The following MGA variants were observed in gnomAD, a reference collection of about 807,000 sequenced individuals.
The protein encoded by MGA is MAX gene-associated protein.
In MGA, 40 loss-of-function variants were observed where a neutral mutation model predicts 261.1. That is an observed-to-expected ratio of 0.15 (90% CI 0.12 to 0.20). The LOEUF (loss-of-function observed/expected upper bound fraction) is 0.20. MGA is among the 10% of genes least tolerant of loss of function. MGA has a pLI of 1.00. For missense variants in MGA, 3,397 were observed against 3,630.5 expected, an observed-to-expected ratio of 0.94 and a Z score of 1.65; for synonymous variants, 1,302 against 1,290.6, an observed-to-expected ratio of 1.01 and a Z score of -0.19.
chr15:41,745,044 G>A (rs2062362880), intron 15 of MGA, among the ~76,000 whole-genome samples: 3 of 151,932 alleles, frequency 2.0e-5, no homozygotes, highest in African/African-American at 7.3e-5. Context: ...ACGCAGTGGT[G>A]TATATTATAT....
rs149195330 is a variant in MGA at position 41,678,663 on chromosome 15, A to T, written c.1064+8705A>T. Among the ~76,000 whole-genome samples, 745 of 151,322 alleles carry T rather than the reference A, an allele frequency of 4.9e-3. 6 individuals are homozygous for T. Among genetic ancestry groups the T allele is most frequent in the African/African-American group, 0.018 (723 of 41,294 alleles). On this transcript the variant is annotated intron_variant, in intron 2 of 23. Transcript: ENST00000219905. ...ACACCTGTAGTCCCAGCTACTCAGG[A>T]GGCTGAGGCAGGAGAATCGCTTGAA...
intron 5 of MGA, among the ~76,000 whole-genome samples, chr15:41,703,010 A>G (rs2059926733): frequency 6.6e-6 from 1 of 152,190 alleles, no homozygotes; most frequent in African/African-American, 2.4e-5. Context: ...TAAGATTGGT[A>G]CATTTGTTAC....
At chr15:41,757,337 T>G (rs151181745) in intron 18 of MGA, among the ~76,000 whole-genome samples, 1 of 152,340 alleles carries the variant, frequency 6.6e-6, no homozygotes, top group African/African-American at 2.4e-5. Context: ...ATGTCATTAT[T>G]CCCTAAACAA....
rs544715459 is a variant in MGA, at chr15:41,671,538, A to T, written c.1064+1580A>T. Among the ~76,000 whole-genome samples, 55 of 152,182 alleles carry T rather than the reference A, an allele frequency of 3.6e-4. No homozygotes were observed. The South Asian group carries it at 0.011, about 30-fold the overall frequency. On this transcript the variant is annotated intron_variant, in intron 2 of 23. Coordinates refer to ENST00000219905, the MANE Select transcript of MGA (RefSeq NM_001164273.2). ...GAGATGGGGTTTCACCATGTTGGCC[A>T]GGCTGGTCTCAAACTCCTGACCTCA...
At chr15:41,701,642 A>G (rs1416291257) in intron 5 of MGA, among the ~76,000 whole-genome samples, 1 of 152,162 alleles carries the variant, frequency 6.6e-6, no homozygotes, top group Non-Finnish European at 1.5e-5. Context: ...GTCATATGGA[A>G]AAATGGGCCC....
chr15:41,705,958 G>A (rs894327252), intron 5 of MGA, among the ~76,000 whole-genome samples: 6 of 152,086 alleles, frequency 3.9e-5, no homozygotes, highest in Non-Finnish European at 8.8e-5. Flanking sequence ...TGTAATACAG[G>A]CCAGGTGCGG....
chr15:41,746,766 A>C (rs1291597652), intron 15 of MGA, among the ~76,000 whole-genome samples: 1 of 151,980 alleles, frequency 6.6e-6, no homozygotes, highest in Non-Finnish European at 1.5e-5. Context: ...AATCACGTTA[A>C]GCTAAAGTCT....
intron 5 of MGA, among the ~76,000 whole-genome samples, chr15:41,704,759 A>G (rs750049732): frequency 2.0e-5 from 3 of 152,218 alleles, no homozygotes; most frequent in Non-Finnish European, 2.9e-5. Context: ...TGTTTATAGA[A>G]CTATAAACAT....
At chr15:41,761,927 G>A (rs2063481507) in intron 21 of MGA, 77 bp downstream of exon 21, 6 of 1,183,538 alleles carry the variant, frequency 5.1e-6, no homozygotes, top group Non-Finnish European at 7.1e-6. Flanking sequence ...AGATCTTTCA[G>A]ATACTTAATT....
At chr15:41,665,009 G>A (rs1304893225) in intron 1 of MGA, among the ~76,000 whole-genome samples, 3 of 152,196 alleles carry the variant, frequency 2.0e-5, no homozygotes, top group Non-Finnish European at 2.9e-5. Context: ...TAGTGCTTTA[G>A]TGTTGGGAAG....
intron 15 of MGA, among the ~76,000 whole-genome samples, chr15:41,744,620 T>G (rs1347642423): frequency 6.6e-6 from 1 of 152,250 alleles, no homozygotes; most frequent in Admixed American, 6.5e-5. Context: ...TTATTTCCTA[T>G]TGAATCTCAA....
intron 2 of MGA, among the ~76,000 whole-genome samples, chr15:41,694,532 CTTT>C (rs145618716): frequency 1.4e-5 from 2 of 143,918 alleles, no homozygotes. Flanking sequence ...GGCTTTTTTT[CTTT>C]TTTTTTTTTG....
intron 11 of MGA, 86 bp from the exon 12 acceptor site, chr15:41,734,436 T>C: frequency 9.8e-7 from 1 of 1,024,992 alleles, no homozygotes; most frequent in Non-Finnish European, 1.5e-6. Context: ...TAAACTTCTG[T>C]GAGAGATTTA....
Position 41,766,177 on chromosome 15 carries a change from G to T in MGA, c.8095G>T (p.Gly2699Cys). 6.2e-7 allele frequency: 1 copy of T among 1,613,960 alleles called. No individual in the cohort carries two copies. Among genetic ancestry groups the T allele is most frequent in the South Asian group, 1.1e-5 (1 of 91,082 alleles). ...TGAAGATAATTCCTTAGAGGATAAG[G>T]GTAGAATCTCTTCCAGAGGAAACAG... The change falls in exon 24 of 24, where the codon GGT becomes TGT. Residue 2699 changes from glycine to cysteine, a missense_variant. Gly to Cys is a radical substitution (Grantham distance 159). Transcript: ENST00000219905.
Position 41,767,463 on chromosome 15 carries a change from G to C in MGA, c.*183G>C. On this transcript the variant is annotated 3_prime_UTR_variant, in exon 24 of 24. Transcript: ENST00000219905. ...GGTATAAGAAGTACTCTGAAATTCT[G>C]ATCATGTTAAAATGTGTTACCTCAC... The C allele has an allele frequency of 1.6e-6, 1 of 644,604 alleles. No individual in the cohort carries two copies. Among genetic ancestry groups the C allele is most frequent in the South Asian group, 2.1e-5 (1 of 48,744 alleles). The allele number at this position is 644,604 out of a possible 1,614,324, so 39.9% of individuals were successfully genotyped here.
rs142766204 is a variant in MGA, at chr15:41,668,976, T to G, written c.82T>G (p.Leu28Val). The G allele has an allele frequency of 1.4e-4, 232 of 1,613,370 alleles. 4 individuals carry two copies. The East Asian group carries it at 5.1e-3, about 35-fold the overall frequency. Reference sequence around the variant, plus strand: ...AGCAGCACCTACCTTCTTTGTCATCTTAAAGCAGCCAGGAAATGGCAAAAC... The same window carrying G: ...AGCAGCACCTACCTTCTTTGTCATCGTAAAGCAGCCAGGAAATGGCAAAAC... The change falls in exon 2 of 24, where the codon TTA becomes GTA. Residue 28 changes from leucine (L) to valine (V), a missense_variant. Leu to Val is a conservative substitution (Grantham distance 32, BLOSUM62 1). Transcript: ENST00000219905.
chr15:41,766,396 G>T lies in MGA; in HGVS notation c.8314G>T (p.Asp2772Tyr), dbSNP rs562486919. Residue 2772 changes from aspartate to tyrosine, a missense_variant, in exon 24 of 24, where the codon GAT becomes TAT. Around this residue, in one of 9 missense-constraint regions of MGA, gnomAD observed 647 missense variants for 642.4 expected, o/e 1.01. Transcript: ENST00000219905. ...AAGAGGGGAGAGAGTGAAGTCAAAG[G>T]ATTCTTCATTTCATAAATTAAAGAT... 3.1e-6 allele frequency: 5 copies of T among 1,613,756 alleles called. No homozygotes were observed. The African/African-American group carries it at 5.3e-5, about 17-fold the overall frequency.
intron 1 of MGA, among the ~76,000 whole-genome samples, chr15:41,629,545 A>G (rs2056542128): frequency 6.6e-6 from 1 of 152,190 alleles, no homozygotes; most frequent in Admixed American, 6.6e-5. Flanking sequence ...CCTCTGCAAC[A>G]TAGTGAGACC....
At chr15:41,644,750 A>G (rs1220737632) in intron 1 of MGA, among the ~76,000 whole-genome samples, 2 of 152,234 alleles carry the variant, frequency 1.3e-5, no homozygotes, top group African/African-American at 2.4e-5. Flanking sequence ...TATACCATAG[A>G]GGTTGTCTTC....
Sources: allele counts gnomAD v4.1 joint callset (sites outside exome capture counted in the v4.1 genomes callset), GRCh38; gene constraint gnomAD v4.1.1; regional missense constraint gnomAD v4.1.1; transcripts MANE v1.5; gene names NCBI Gene and HGNC (gene_info 2026-07-23, HGNC 2026-07-21).